Variants in MYO1H observed in about 807,000 individuals in gnomAD.
MYO1H encodes the protein unconventional myosin-Ih.
Under a neutral mutation model 149.3 loss-of-function variants are expected in MYO1H, and 118 were observed. The ratio of observed to expected loss-of-function variants is 0.79; its 90% CI spans 0.68 to 0.92. The LOEUF (loss-of-function observed/expected upper bound fraction) is 0.92. Among genes scored for constraint, MYO1H ranks in the 40% least tolerant of loss-of-function variants. MYO1H has a pLI of 0.00. For synonymous variants in MYO1H, 447 were observed against 465.2 expected, an observed-to-expected ratio of 0.96 and a Z score of 0.50; for missense variants, 1,212 against 1,280.7, an observed-to-expected ratio of 0.95 and a Z score of 0.82.
At chr12:109,431,658 C>T (rs1871625473) in intron 19 of MYO1H, among the ~76,000 whole-genome samples, 1 of 152,200 alleles carries the variant, frequency 6.6e-6, no homozygotes, top group African/African-American at 2.4e-5. Context: ...GATCCATCTG[C>T]ACTTCTGAAT....
chr12:109,402,959 A>T (rs1231683632), intron 6 of MYO1H, among the ~76,000 whole-genome samples: 1 of 152,174 alleles, frequency 6.6e-6, no homozygotes, highest in African/African-American at 2.4e-5. Context: ...AGATCTTTAT[A>T]CATCAGGGGC....
intron 1 of MYO1H, among the ~76,000 whole-genome samples, chr12:109,365,749 G>T (rs997937117): frequency 6.6e-6 from 1 of 152,196 alleles, no homozygotes; most frequent in African/African-American, 2.4e-5. Context: ...GAGCCAACAT[G>T]CAGGCTGCAT....
chr12:109,328,590 T>G, the MYO1H span, among the ~76,000 whole-genome samples: 1 of 152,226 alleles, frequency 6.6e-6, no homozygotes, highest in African/African-American at 2.4e-5. Flanking sequence ...GCTCTGAACT[T>G]TTTGTTCCTT....
intron 2 of MYO1H, among the ~76,000 whole-genome samples, chr12:109,391,709 T>G (rs1869661559): frequency 1.3e-5 from 2 of 152,356 alleles, no homozygotes; most frequent in South Asian, 4.1e-4. Flanking sequence ...TTTTCTCCAC[T>G]GCCTTGCCAG....
intron 20 of MYO1H, among the ~76,000 whole-genome samples, chr12:109,434,318 T>G (rs1871766835): frequency 1.3e-5 from 2 of 152,158 alleles, no homozygotes; most frequent in African/African-American, 4.8e-5. Flanking sequence ...CGTGATCTTC[T>G]TTTAAGCTTA....
At position 109,405,995 on chromosome 12, in the gene MYO1H, C is replaced by T; in HGVS notation, c.923C>T (p.Ala308Val). 6.2e-7 allele frequency: 1 copy of T among 1,613,596 alleles called. No individual in the cohort carries two copies. Residue 308 changes from alanine to valine, a missense_variant, in exon 8 of 32, where the codon GCC becomes GTC. Transcript: ENST00000310903. ...TTTGAAGAAGACGACCAAGGCTGTGCCACTATCCCAGACACCCATGAGATC... is the reference window on the plus strand; with the variant it reads ...TTTGAAGAAGACGACCAAGGCTGTGTCACTATCCCAGACACCCATGAGATC...
intron 1 of MYO1H, among the ~76,000 whole-genome samples, chr12:109,356,528 A>G (rs1868607398): frequency 6.6e-6 from 1 of 151,590 alleles, no homozygotes; most frequent in East Asian, 1.9e-4. Context: ...ACTTCCAACA[A>G]TTTTTTTTTC....
chr12:109,407,805 G>A lies in MYO1H; in HGVS notation c.1047G>A (p.Pro349=), dbSNP rs773273078. 1.2e-5 allele frequency: 20 copies of A among 1,613,494 alleles called. No homozygotes were observed. The East Asian group carries it at 2.0e-4, about 16-fold the overall frequency. The change falls in exon 10 of 32, where the codon CCG becomes CCA. Residue 349 remains proline (P), a synonymous_variant. Coordinates refer to ENST00000310903, the Ensembl canonical transcript of MYO1H. The stretch of plus-strand genomic sequence containing the variant: ...GTCATTCTTTTCAGGTGATCTGCCC[G>A]TTGACACTAGAACTCTCTGTCTACG...
At chr12:109,327,128 C>CTTTTTT in the MYO1H span, among the ~76,000 whole-genome samples, 7 of 103,690 alleles carry the variant, frequency 6.8e-5, no homozygotes, top group African/African-American at 1.7e-4. Context: ...TTTTCTTTTT[C>CTTTTTT]TTTTTCTTTT....
At chr12:109,383,378 C>G (rs975285749) in intron 1 of MYO1H, among the ~76,000 whole-genome samples, 2 of 152,204 alleles carry the variant, frequency 1.3e-5, no homozygotes, top group African/African-American at 4.8e-5. Context: ...CTGCTGTCCT[C>G]CCAGTGGAAA....
chr12:109,429,483 T>A (rs1035131991), intron 19 of MYO1H, among the ~76,000 whole-genome samples: 10 of 152,102 alleles, frequency 6.6e-5, no homozygotes, highest in African/African-American at 2.4e-4. Context: ...TAGTCTAATA[T>A]CTATTTATGT....
At chr12:109,415,563 G>A in exon 15 of MYO1H, 1 of 1,608,316 alleles carries the variant, frequency 6.2e-7, no homozygotes, top group Non-Finnish European at 8.5e-7. Flanking sequence ...AAAGAGGATT[G>A]GCTGGATGGA....
intron 18 of MYO1H, among the ~76,000 whole-genome samples, chr12:109,426,988 T>G (rs1054148015): frequency 1.3e-5 from 2 of 152,120 alleles, no homozygotes; most frequent in Non-Finnish European, 2.9e-5. Flanking sequence ...AACCAGAAAT[T>G]TAATTTTTTC....
At chr12:109,328,851 T>C in the MYO1H span, among the ~76,000 whole-genome samples, 5 of 152,166 alleles carry the variant, frequency 3.3e-5, no homozygotes, top group Admixed American at 1.3e-4. Context: ...TATACAAATA[T>C]CTTGTGGAAT....
exon 11 of MYO1H, chr12:109,409,602 T>C: frequency 6.2e-7 from 1 of 1,613,756 alleles, no homozygotes; most frequent in Non-Finnish European, 8.5e-7. Flanking sequence ...CATCTATGGG[T>C]TTGAAGTCTT....
chr12:109,335,749 A>C, the MYO1H span, among the ~76,000 whole-genome samples: 1 of 152,162 alleles, frequency 6.6e-6, no homozygotes, highest in African/African-American at 2.4e-5. Context: ...AAAGTTTTAT[A>C]GTTTTCTTTA....
At chr12:109,372,735 T>G (rs1303800336) in intron 1 of MYO1H, among the ~76,000 whole-genome samples, 1 of 152,058 alleles carries the variant, frequency 6.6e-6, no homozygotes, top group East Asian at 1.9e-4. Flanking sequence ...TTCAGAAATT[T>G]CCTGGATATT....
intron 19 of MYO1H, among the ~76,000 whole-genome samples, chr12:109,432,083 G>A (rs943787761): frequency 4.4e-5 from 6 of 136,480 alleles, no homozygotes; most frequent in African/African-American, 5.7e-5. Flanking sequence ...CTCACTGCAA[G>A]CTTCGCCTCC....
chr12:109,369,784 G>A (rs1868944247), intron 1 of MYO1H, among the ~76,000 whole-genome samples: 8 of 152,158 alleles, frequency 5.3e-5, no homozygotes. Flanking sequence ...AATGAGTTAA[G>A]CCTCATAGGC....
Sources: gnomAD v4.1 joint callset for allele counts (sites outside exome capture counted in the v4.1 genomes callset) on GRCh38, gnomAD v4.1.1 for gene constraint, MANE v1.5 for transcripts, NCBI Gene and HGNC (gene_info 2026-07-23, HGNC 2026-07-21) for gene names.